KLF5: variants seen among roughly 807,000 people sequenced by gnomAD.
KLF5 encodes the protein KLF transcription factor 5, also known as Krueppel-like factor 5.
A neutral mutation model predicts 36.9 loss-of-function variants in KLF5; 9 were observed. The ratio of observed to expected loss-of-function variants is 0.24; its 90% CI spans 0.15 to 0.43. The LOEUF (loss-of-function observed/expected upper bound fraction) is 0.43, where lower values mean the gene tolerates loss of function less well. KLF5 is among the 20% of genes least tolerant of loss of function. The pLI, the probability that KLF5 is intolerant of heterozygous loss-of-function variation, is 1.00. For missense variants in KLF5, 524 were observed against 599.5 expected, an observed-to-expected ratio of 0.87 and a Z score of 1.31; for synonymous variants, 246 against 241.7, an observed-to-expected ratio of 1.02 and a Z score of -0.17.
rs1351108648 is a variant in KLF5 at position 73,076,559 on chromosome 13, CCT to C, written c.*677_*678del. On this transcript the variant is annotated 3_prime_UTR_variant, in exon 4 of 4. Transcript: ENST00000377687. ...TACAGTTAGGATTTGTGGTAAGGTA[CCT>C]CTCAACATTACCAAAATCATTTCTT... The C allele has an allele frequency of 6.6e-6, 1 of 152,320 alleles. No homozygotes were observed. Among genetic ancestry groups the C allele is most frequent in the African/African-American group, 2.4e-5 (1 of 41,360 alleles). The allele number at this position is 152,320 out of a possible 1,614,324, so 9.4% of individuals were successfully genotyped here. A position where few individuals can be genotyped will look rare whatever the true frequency, so the allele number is the denominator to read the frequency against.
Position 73,077,431 on chromosome 13 carries a change from G to A in KLF5, c.*1545G>A, listed in dbSNP as rs1277181776. ...TTTTTGTATTGTGGTCATTTCCTATGCAAATAATGGAGCAAACAGCTGTAT... is the reference window on the plus strand; with the variant it reads ...TTTTTGTATTGTGGTCATTTCCTATACAAATAATGGAGCAAACAGCTGTAT... On this transcript the variant is annotated 3_prime_UTR_variant, in exon 4 of 4. Coordinates refer to ENST00000377687, the MANE Select transcript of KLF5 (RefSeq NM_001730.5). The A allele has an allele frequency of 6.6e-6, 1 of 152,610 alleles. No individual in the cohort carries two copies. Among genetic ancestry groups the A allele is most frequent in the Admixed American group, 6.5e-5 (1 of 15,282 alleles). 9.5% of individuals were successfully genotyped at this position (152,610 alleles called of 1,614,324 possible). A position where few individuals can be genotyped will look rare whatever the true frequency, so the allele number is the denominator to read the frequency against.
chr13:73,056,573 G>A (rs149709757), upstream of KLF5, among the ~76,000 whole-genome samples: 5 of 152,296 alleles, frequency 3.3e-5, no homozygotes, highest in East Asian at 9.6e-4. Flanking sequence ...TAGCATTTAT[G>A]TTAAAAGCAA....
rs557935500 is a variant in KLF5 at position 73,069,923 on chromosome 13, AAAT to A, written c.1196-5777_1196-5775del. On this transcript the variant is annotated intron_variant, in intron 3 of 3. Coordinates refer to ENST00000377687, the MANE Select transcript of KLF5 (RefSeq NM_001730.5). ...GAAAGTAGAGAGTAATGTTTTTAAA[AAAT>A]AATAATACAGTCACCCAAGAATTTG... 8.5e-5 allele frequency among the ~76,000 whole-genome samples: 13 copies of A among 152,334 alleles called. No homozygotes were observed. In the East Asian group the frequency reaches 2.1e-3, roughly 25 times the overall value.
chr13:73,066,261 A>G (rs1352321281), intron 3 of KLF5, among the ~76,000 whole-genome samples: 2 of 151,046 alleles, frequency 1.3e-5, no homozygotes, highest in South Asian at 2.1e-4. Flanking sequence ...CTCTCATTGC[A>G]TCCTCCCCAC....
upstream of KLF5, among the ~76,000 whole-genome samples, chr13:73,056,818 A>C (rs1350779488): frequency 2.0e-5 from 3 of 152,216 alleles, no homozygotes; most frequent in Non-Finnish European, 2.9e-5. Flanking sequence ...TATTGGAGCA[A>C]AAAGGAATAT....
upstream of KLF5, chr13:73,054,987 G>C (rs2044575432): frequency 6.6e-6 from 1 of 152,142 alleles, no homozygotes; most frequent in South Asian, 2.1e-4. Context: ...CTTTAGCTCA[G>C]ACCTTTCTTT....
In KLF5 at chr13:73,074,236, G is replaced by T. The variant is rs142262883; in HGVS notation, c.1196-1472G>T. 6.5e-4 allele frequency among the ~76,000 whole-genome samples: 99 copies of T among 152,276 alleles called. 2 individuals are homozygous for T. Among genetic ancestry groups the T allele is most frequent in the African/African-American group, 2.3e-3 (94 of 41,576 alleles). On this transcript the variant is annotated intron_variant, in intron 3 of 3. Transcript: ENST00000377687. ...AATTGTAGAAATCTCAGTTGATGAG[G>T]ACAGGGTCTTTTAAAGTTTAGACTG...
chr13:73,060,157 TAAAAAAAAA>T (rs535575783), intron 1 of KLF5, among the ~76,000 whole-genome samples: 2 of 116,680 alleles, frequency 1.7e-5, no homozygotes, highest in Non-Finnish European at 3.4e-5. Flanking sequence ...TATTTTTCCT[TAAAAAAAAA>T]AAAAAAAAAA....
At position 73,062,342 on chromosome 13, in the gene KLF5, C is replaced by A. The variant is rs766474046; in HGVS notation, c.743C>A (p.Ala248Glu). The stretch of plus-strand genomic sequence containing the variant: ...CCCAGTTCTACAAATCAGACAGCAG[C>A]AATGGACACTCTTAATGTTTCTATG... ...DMPSSTNQTA[A>E]MDTLNVSMSA... is the part of the protein sequence containing the mutation. The change falls in exon 2 of 4, where the codon GCA (alanine) becomes GAA (glutamate). Residue 248 changes from alanine (A) to glutamate (E), a missense_variant. Physicochemically the swap from Ala to Glu is moderately radical, Grantham distance 107. Coordinates refer to ENST00000377687, the MANE Select transcript of KLF5 (RefSeq NM_001730.5). 18 of 1,614,098 alleles carry A rather than the reference C, an allele frequency of 1.1e-5. No homozygotes were observed. Among genetic ancestry groups the A allele is most frequent in the Non-Finnish European group, 1.5e-5 (18 of 1,180,048 alleles).
Position 73,062,046 on chromosome 13 carries a change from C to T in KLF5, c.447C>T (p.Gly149=). 2 of 1,614,018 alleles carry T rather than the reference C, an allele frequency of 1.2e-6. No homozygotes were observed. Among genetic ancestry groups the T allele is most frequent in the Non-Finnish European group, 1.7e-6 (2 of 1,179,932 alleles). ...CTGACATCACTCACCTGAGAACTGG[C>T]CTCTACAAATCCCAGAGACCGTGCG... ...FLPDITHLRT[G]LYKSQRPCVT... Residue 149 remains glycine, a synonymous_variant, in exon 2 of 4, where the codon GGC becomes GGT. Coordinates refer to ENST00000377687, the MANE Select transcript of KLF5 (RefSeq NM_001730.5).
intron 3 of KLF5, among the ~76,000 whole-genome samples, chr13:73,066,880 T>C (rs2044683769): frequency 6.6e-6 from 1 of 152,212 alleles, no homozygotes; most frequent in Non-Finnish European, 1.5e-5. Context: ...TTTGTGTGAT[T>C]AGACAATACT....
At position 73,061,883 on chromosome 13, in the gene KLF5, A is replaced by G; in HGVS notation, c.284A>G (p.Tyr95Cys). 4 of 1,613,054 alleles carry G rather than the reference A, an allele frequency of 2.5e-6. No individual in the cohort carries two copies. Among genetic ancestry groups the G allele is most frequent in the Non-Finnish European group, 2.5e-6 (3 of 1,179,024 alleles). ...TAGACAAGATGTGAAATGGAGAAGT[A>G]TCTGACACCTCAGCTTCCTCCAGTT... The part of the protein sequence containing the change: ...LVQTRCEMEK[Y>C]LTPQLPPVPI... The change falls in exon 2 of 4, where the codon TAT (tyrosine) becomes TGT (cysteine). Residue 95 changes from tyrosine (Y) to cysteine (C), a missense_variant. Around this residue, in one of 4 missense-constraint regions of KLF5, gnomAD observed 454 missense variants for 458.1 expected, o/e 0.99. Coordinates refer to ENST00000377687, the MANE Select transcript of KLF5 (RefSeq NM_001730.5).
intron 3 of KLF5, among the ~76,000 whole-genome samples, chr13:73,067,904 G>A (rs917215093): frequency 4.7e-5 from 7 of 150,246 alleles, no homozygotes; most frequent in Non-Finnish European, 7.4e-5. Flanking sequence ...GCAATGGTGC[G>A]ATCTCGGCTC....
Position 73,075,998 on chromosome 13 carries a change from A to C in KLF5, c.*112A>C. On this transcript the variant is annotated 3_prime_UTR_variant, in exon 4 of 4. Coordinates refer to ENST00000377687, the MANE Select transcript of KLF5 (RefSeq NM_001730.5). The stretch of plus-strand genomic sequence containing the variant: ...ACAAAAGCAAGAAAACCACAACTAA[A>C]ACTGGAAATGTATATTTTGTATATT... 5 of 851,732 alleles carry C rather than the reference A, an allele frequency of 5.9e-6. No individual in the cohort carries two copies. Among genetic ancestry groups the C allele is most frequent in the Non-Finnish European group, 8.5e-6 (5 of 589,414 alleles). 52.8% of individuals were successfully genotyped at this position (851,732 alleles called of 1,614,324 possible).
chr13:73,062,752 G>A lies in KLF5; in HGVS notation c.1135+18G>A. The A allele has an allele frequency of 4.4e-6, 7 of 1,605,642 alleles. No individual in the cohort carries two copies. The highest frequency in any genetic ancestry group is 5.1e-6 in the Non-Finnish European group (6 of 1,175,314). ...TTACCCTGGTATGTGCTCTTACCTGGTTGAAGCATCAATAGATGTAGTGTG... is the reference window on the plus strand; with the variant it reads ...TTACCCTGGTATGTGCTCTTACCTGATTGAAGCATCAATAGATGTAGTGTG... On this transcript the variant is annotated intron_variant, in intron 2 of 3. Transcript: ENST00000377687.
intron 2 of KLF5, among the ~76,000 whole-genome samples, chr13:73,063,140 A>AGG (rs1284540175): frequency 6.6e-6 from 1 of 152,170 alleles, no homozygotes; most frequent in African/African-American, 2.4e-5. Context: ...TAAGTGCCCC[A>AGG]GAAAGAGATT....
rs1355893135 is a variant in KLF5, at chr13:73,077,455, A to G, written c.*1569A>G. ...TGCAAATAATGGAGCAAACAGCTGTATAGTTGTAGAATTTTTTGAGAGAAT... is the reference window on the plus strand; with the variant it reads ...TGCAAATAATGGAGCAAACAGCTGTGTAGTTGTAGAATTTTTTGAGAGAAT... On this transcript the variant is annotated 3_prime_UTR_variant, in exon 4 of 4. Transcript: ENST00000377687. 1 of 152,622 alleles carries G rather than the reference A, an allele frequency of 6.6e-6. No homozygotes were observed. The highest frequency in any genetic ancestry group is 2.4e-5 in the African/African-American group (1 of 41,438). 9.5% of individuals were successfully genotyped at this position (152,622 alleles called of 1,614,324 possible).
chr13:73,057,680 C>CT (rs894984953), upstream of KLF5, among the ~76,000 whole-genome samples: 1 of 152,020 alleles, frequency 6.6e-6, no homozygotes. Context: ...TTATCCAAGA[C>CT]TTTTTTTTAA....
chr13:73,070,985 T>C (rs1165425771), intron 3 of KLF5, among the ~76,000 whole-genome samples: 4 of 152,212 alleles, frequency 2.6e-5, no homozygotes, highest in South Asian at 4.1e-4. Context: ...TTCCCTCCTT[T>C]TCTTTAATCA....
Sources: gnomAD v4.1 joint callset for allele counts (sites outside exome capture counted in the v4.1 genomes callset) on GRCh38, gnomAD v4.1.1 for gene constraint, gnomAD v4.1.1 regional missense constraint, MANE v1.5 for transcripts, NCBI Gene and HGNC (gene_info 2026-07-23, HGNC 2026-07-21) for gene names.